SFTPD: variants seen among roughly 807,000 people sequenced by gnomAD.
The protein encoded by SFTPD is pulmonary surfactant-associated protein D.
A neutral mutation model predicts 34.6 loss-of-function variants in SFTPD; 18 were observed. The ratio of observed to expected loss-of-function variants is 0.52; its 90% CI spans 0.36 to 0.77. SFTPD has a LOEUF of 0.77. SFTPD is among the 30% of genes least tolerant of loss of function. The probability of loss-of-function intolerance (pLI) is 0.00; values close to 1 mark genes in which losing one functional copy is unlikely to be tolerated. For synonymous variants in SFTPD, 155 were observed against 180.9 expected, an observed-to-expected ratio of 0.86 and a Z score of 1.15; for missense variants, 433 against 468.9, an observed-to-expected ratio of 0.92 and a Z score of 0.71.
intron 1 of SFTPD, among the ~76,000 whole-genome samples, chr10:79,979,556 A>G (rs1842879993): frequency 6.6e-6 from 1 of 152,248 alleles, no homozygotes; most frequent in Non-Finnish European, 1.5e-5. Flanking sequence ...CACAGCAGAA[A>G]GCAACACAGG....
At chr10:79,979,752 T>C (rs1333824883) in intron 1 of SFTPD, among the ~76,000 whole-genome samples, 1 of 152,178 alleles carries the variant, frequency 6.6e-6, no homozygotes, top group East Asian at 1.9e-4. Context: ...GTCCCTATGC[T>C]AGCTGGGCTC....
At chr10:79,977,876 A>G (rs1842871477) in intron 1 of SFTPD, among the ~76,000 whole-genome samples, 1 of 151,936 alleles carries the variant, frequency 6.6e-6, no homozygotes, top group Non-Finnish European at 1.5e-5. Flanking sequence ...TTTTTCAGTA[A>G]AGAGATCTTG....
chr10:79,957,733 A>G (rs1309165500), intron 1 of SFTPD, among the ~76,000 whole-genome samples: 1 of 152,246 alleles, frequency 6.6e-6, no homozygotes, highest in Non-Finnish European at 1.5e-5. Context: ...TCTGCAGGAT[A>G]TTATCCAGGA....
At chr10:79,968,751 C>T (rs1842818264) in intron 1 of SFTPD, 1 of 152,186 alleles carries the variant, frequency 6.6e-6, no homozygotes, top group South Asian at 2.1e-4. Context: ...AACATCCAGA[C>T]TGCTTTTCAC....
intron 1 of SFTPD, among the ~76,000 whole-genome samples, chr10:79,958,376 A>G (rs889987646): frequency 2.0e-5 from 3 of 152,192 alleles, no homozygotes; most frequent in Admixed American, 6.5e-5. Flanking sequence ...AAGAGTCAAG[A>G]CCCATCAGTG....
chr10:79,948,698 G>A (rs917635357), intron 1 of SFTPD, among the ~76,000 whole-genome samples: 1 of 152,174 alleles, frequency 6.6e-6, no homozygotes, highest in Non-Finnish European at 1.5e-5. Context: ...GCCTGGGTTT[G>A]TCTCTCTTCC....
chr10:79,961,707 T>C (rs995154441), intron 1 of SFTPD, among the ~76,000 whole-genome samples: 9 of 152,180 alleles, frequency 5.9e-5, no homozygotes, highest in Non-Finnish European at 1.3e-4. Context: ...GACTGTAAAC[T>C]TGTTCAACCA....
At chr10:79,949,835 C>A (rs1842698995), upstream of SFTPD, among the ~76,000 whole-genome samples, 1 of 148,628 alleles carries the variant, frequency 6.7e-6, no homozygotes, top group Middle Eastern at 3.4e-3. Flanking sequence ...CTACTTTTAT[C>A]CAATCTTTTA....
chr10:79,962,134 G>T, intron 1 of SFTPD, among the ~76,000 whole-genome samples: 1 of 127,344 alleles, frequency 7.9e-6, no homozygotes, highest in Non-Finnish European at 1.6e-5. Flanking sequence ...ATCACACTGT[G>T]GGGACTGTTG....
rs759378480 is a variant in SFTPD, at chr10:79,941,967, GT to G, written c.536del (p.Asn179ThrfsTer25). 6.2e-7 allele frequency: 1 copy of G among 1,609,606 alleles called. No homozygotes were observed. Among genetic ancestry groups the G allele is most frequent in the Non-Finnish European group, 8.5e-7 (1 of 1,176,130 alleles). On this transcript the variant is annotated frameshift_variant, in exon 5 of 8. Coordinates refer to ENST00000372292, the MANE Select transcript of SFTPD (RefSeq NM_003019.5). LOFTEE classifies it high-confidence loss of function. The stretch of plus-strand genomic sequence containing the variant: ...TCCACTGCTCACCTGCTGCCCCTGT[GT>G]TTCCAGGGACTCCACGCTCACCAGG... ...GVPGERGVPG[N>X]TGAAGSAGAM...
chr10:79,958,115 A>C (rs551998473), intron 1 of SFTPD, among the ~76,000 whole-genome samples: 1 of 152,190 alleles, frequency 6.6e-6, no homozygotes, highest in Non-Finnish European at 1.5e-5. Context: ...GATTTTGTCA[A>C]CACCAGGCCT....
At chr10:79,969,202 A>T (rs113855569) in intron 1 of SFTPD, 11,752 of 152,220 alleles carry the variant, frequency 0.077, 893 homozygotes, top group East Asian at 0.39. Flanking sequence ...AGGGCCAGGC[A>T]TGGTGGCTCA....
At chr10:79,961,677 C>A (rs896655669) in intron 1 of SFTPD, among the ~76,000 whole-genome samples, 31 of 152,168 alleles carry the variant, frequency 2.0e-4, no homozygotes, top group Non-Finnish European at 3.8e-4. Context: ...GAAATAGGAA[C>A]ACTTTTACAC....
chr10:79,979,974 A>G (rs570666431), intron 1 of SFTPD, among the ~76,000 whole-genome samples: 5 of 152,336 alleles, frequency 3.3e-5, no homozygotes, highest in South Asian at 2.1e-4. Flanking sequence ...TGAAGCCCCA[A>G]TTCTAAGCCA....
intron 1 of SFTPD, among the ~76,000 whole-genome samples, chr10:79,973,787 G>C (rs1842848603): frequency 6.6e-6 from 1 of 152,040 alleles, no homozygotes. Flanking sequence ...CTAGTTCATA[G>C]CTTGCATCTA....
At position 79,965,538 on chromosome 10, in the gene SFTPD, T is replaced by A. The variant is rs983588865; in HGVS notation, c.36+17037A>T. On this transcript the variant is annotated intron_variant, in intron 1 of 5. Transcript: ENST00000444384. ...CTTTACCACTATTTCATTTTATTTT[T>A]CTTTTTTTTTTTTTAATTTTTTATT... Among the ~76,000 whole-genome samples the A allele has an allele frequency of 2.4e-3, 56 of 23,054 alleles. 1 individual carries two copies. Among genetic ancestry groups the A allele is most frequent in the Non-Finnish European group, 4.4e-3 (51 of 11,644 alleles). 15.1% of individuals were successfully genotyped at this position (23,054 alleles called of 152,430 possible). A position where few individuals can be genotyped will look rare whatever the true frequency, so the allele number is the denominator to read the frequency against.
intron 2 of SFTPD, 42 bp downstream of exon 2, chr10:79,946,419 A>C: frequency 6.9e-7 from 1 of 1,440,746 alleles, no homozygotes; most frequent in Non-Finnish European, 9.8e-7. Context: ...AGTTCCAATG[A>C]CCATTCCTCC....
At chr10:79,944,366 G>A (rs979292456) in intron 2 of SFTPD, among the ~76,000 whole-genome samples, 5 of 152,210 alleles carry the variant, frequency 3.3e-5, no homozygotes, top group Admixed American at 6.5e-5. Flanking sequence ...AAAGCATAGG[G>A]TGTGTTGGGG....
At chr10:79,951,696 G>A (rs994758139), upstream of SFTPD, among the ~76,000 whole-genome samples, 1 of 152,194 alleles carries the variant, frequency 6.6e-6, no homozygotes, top group Non-Finnish European at 1.5e-5. Flanking sequence ...GCTGGCTGTG[G>A]CATAAGCTGA....
Sources: allele counts gnomAD v4.1 joint callset (sites outside exome capture counted in the v4.1 genomes callset), GRCh38; gene constraint gnomAD v4.1.1; transcripts MANE v1.5; gene names NCBI Gene and HGNC (gene_info 2026-07-23, HGNC 2026-07-21).